The following BPIFB6 variants were observed in gnomAD, a reference collection of about 807,000 sequenced individuals.
BPIFB6 encodes the protein BPI fold-containing family B member 6.
In BPIFB6, 47 loss-of-function variants were observed where a neutral mutation model predicts 54.7. That is an observed-to-expected ratio of 0.86 (90% CI 0.68 to 1.10). BPIFB6 has a LOEUF of 1.10. Ranked by LOEUF, BPIFB6 falls within the 50% of genes least tolerant of loss-of-function variation. The pLI, the probability that BPIFB6 is intolerant of heterozygous loss-of-function variation, is 0.00. For missense variants in BPIFB6, 603 were observed against 564.1 expected (o/e 1.07, Z -0.70); for synonymous variants, 255 against 225.9 (o/e 1.13, Z -1.16).
intron 7 of BPIFB6, among the ~76,000 whole-genome samples, 195 bp from the exon 8 acceptor site, chr20:33,037,367 C>A (rs184748046): frequency 1.3e-5 from 2 of 152,278 alleles, no homozygotes; most frequent in Admixed American, 1.3e-4. Context: ...CTCCCTTATC[C>A]TCCCAGGCCT....
intron 1 of BPIFB6, 51 bp downstream of exon 1, chr20:33,031,795 A>C (rs1979113866): frequency 6.7e-7 from 1 of 1,501,390 alleles, no homozygotes; most frequent in Non-Finnish European, 9.3e-7. Flanking sequence ...TGCTTGGGGT[A>C]GGTGGTAGGT....
Position 33,031,703 on chromosome 20 carries a change from A to C in BPIFB6, c.56A>C (p.Asp19Ala). Residue 19 changes from aspartate to alanine, a missense_variant, in exon 1 of 15, where the codon GAC (aspartate) becomes GCC (alanine). Physicochemically the swap from Asp to Ala is moderately radical, Grantham distance 126. Transcript: ENST00000349552. Reference sequence around the variant, plus strand: ...AGCCTGCTGACTGGCACGCGAGCTGACCCTGGGGCACTGCTGCGGTTGGGC... The same window carrying C: ...AGCCTGCTGACTGGCACGCGAGCTGCCCCTGGGGCACTGCTGCGGTTGGGC... ...LCSLLTGTRADPGALLRLGMD... is the reference protein window; with the variant it reads ...LCSLLTGTRAAPGALLRLGMD... The C allele has an allele frequency of 6.2e-7, 1 of 1,613,948 alleles. No individual in the cohort carries two copies. The highest frequency in any genetic ancestry group is 8.5e-7 in the Non-Finnish European group (1 of 1,179,988).
rs143653334 is a variant in BPIFB6, at chr20:33,031,720, C to A, written c.73C>A (p.Arg25=). Residue 25 remains arginine, a synonymous_variant, in exon 1 of 15, where the codon CGG becomes AGG. Transcript: ENST00000349552. ...GTRADPGALL[R]LGMDIMNQVQ... is the part of the protein sequence containing the mutation. ...GCGAGCTGACCCTGGGGCACTGCTG[C>A]GGTTGGGCATGGACATCATGAACCG... is the stretch of plus-strand genomic sequence containing the variant. 6.2e-7 allele frequency: 1 copy of A among 1,614,056 alleles called. No individual in the cohort carries two copies. The highest frequency in any genetic ancestry group is 1.3e-5 in the African/African-American group (1 of 75,054).
intron 2 of BPIFB6, chr20:33,033,746 G>A (rs1979203661): frequency 9.1e-6 from 4 of 437,172 alleles, no homozygotes; most frequent in Admixed American, 2.4e-5. Context: ...GGGACTGGGG[G>A]AATGCTACTG....
At chr20:33,038,337 A>G (rs753754385) in intron 8 of BPIFB6, among the ~76,000 whole-genome samples, 2 of 151,836 alleles carry the variant, frequency 1.3e-5, no homozygotes, top group Non-Finnish European at 2.9e-5. Flanking sequence ...TTTACCATTC[A>G]TCCATGTACC....
rs1433559361 is a variant in BPIFB6 at position 33,034,845 on chromosome 20, C to T, written c.385C>T (p.Leu129Phe). ...GCTTCTGCGGGATGAGGAGACAGGCCTCCCCGTGTTCAAGAGTGAGGGCTG... is the reference window on the plus strand; with the variant it reads ...GCTTCTGCGGGATGAGGAGACAGGCTTCCCCGTGTTCAAGAGTGAGGGCTG... ...NRLLRDEETG[L>F]PVFKSEGCEV... The change falls in exon 4 of 15, where the codon CTC becomes TTC. Residue 129 changes from leucine to phenylalanine, a missense_variant. Transcript: ENST00000349552. 7 of 1,613,756 alleles carry T rather than the reference C, an allele frequency of 4.3e-6. No homozygotes were observed. Among genetic ancestry groups the T allele is most frequent in the African/African-American group, 1.3e-5 (1 of 74,912 alleles).
In BPIFB6 at chr20:33,034,172, C is replaced by G. The variant is rs1315349132; in HGVS notation, c.198-14C>G. 6.2e-7 allele frequency: 1 copy of G among 1,600,816 alleles called. No homozygotes were observed. The highest frequency in any genetic ancestry group is 1.3e-5 in the African/African-American group (1 of 74,634). Reference sequence around the variant, plus strand: ...GCTCAGATCTTATTGGTGTGGCTGCCTGTCCCTTCCCAGTTTGAAGGTGAA... The same window carrying G: ...GCTCAGATCTTATTGGTGTGGCTGCGTGTCCCTTCCCAGTTTGAAGGTGAA... On this transcript the variant is annotated splice_polypyrimidine_tract_variant and intron_variant, in intron 2 of 14. Coordinates refer to ENST00000349552, the MANE Select transcript of BPIFB6 (RefSeq NM_174897.2).
chr20:33,037,624 G>C lies in BPIFB6; in HGVS notation c.732G>C (p.Thr244=), dbSNP rs144547584. The C allele has an allele frequency of 6.2e-6, 10 of 1,613,890 alleles. No individual in the cohort carries two copies. The highest frequency in any genetic ancestry group is 1.6e-4 in the Middle Eastern group (1 of 6,084). The change falls in exon 8 of 15, where the codon ACG becomes ACC. Residue 244 remains threonine, a synonymous_variant. Coordinates refer to ENST00000349552, the MANE Select transcript of BPIFB6 (RefSeq NM_174897.2). ...TTGCTGATGCCGGGGAGGCCCTCAC[G>C]TTCCCTGAGGGTTATGCCAAAGGCT... ...IKLADAGEAL[T]FPEGYAKGSS...
Position 33,043,355 on chromosome 20 carries a change from G to A in BPIFB6, c.1317G>A (p.Leu439=). 6.2e-7 allele frequency: 1 copy of A among 1,614,150 alleles called. No homozygotes were observed. The change falls in exon 14 of 15, where the codon CTG becomes CTA. Residue 439 remains leucine, a synonymous_variant. Transcript: ENST00000349552. Reference sequence around the variant, plus strand: ...CCATGAATTACAACCTGGCTGAGCTGGACATAGTAGAGGTGAGAGGAGGGG... The same window carrying A: ...CCATGAATTACAACCTGGCTGAGCTAGACATAGTAGAGGTGAGAGGAGGGG... ...FLAMNYNLAE[L]DIVENALMLD... is the part of the protein sequence containing the mutation.
chr20:33,043,274 C>G lies in BPIFB6; in HGVS notation c.1253-17C>G, dbSNP rs1979668322. 3 of 1,612,644 alleles carry G rather than the reference C, an allele frequency of 1.9e-6. No individual in the cohort carries two copies. Among genetic ancestry groups the G allele is most frequent in the South Asian group, 1.1e-5 (1 of 91,004 alleles). On this transcript the variant is annotated splice_polypyrimidine_tract_variant and intron_variant, in intron 13 of 14. Coordinates refer to ENST00000349552, the MANE Select transcript of BPIFB6 (RefSeq NM_174897.2). ...GCACAGCAGTCAGGCTGATATGACTCTTACTGTATTTCTCAGATGTGCTTC... is the reference window on the plus strand; with the variant it reads ...GCACAGCAGTCAGGCTGATATGACTGTTACTGTATTTCTCAGATGTGCTTC...
chr20:33,036,349 G>C, intron 6 of BPIFB6, 96 bp from the exon 7 acceptor site: 1 of 1,024,942 alleles, frequency 9.8e-7, no homozygotes, highest in Non-Finnish European at 1.5e-6. Context: ...TGAGTCACGT[G>C]GAGGGCCAGG....
At chr20:33,042,357 G>T (rs1979628012) in intron 12 of BPIFB6, among the ~76,000 whole-genome samples, 1 of 152,180 alleles carries the variant, frequency 6.6e-6, no homozygotes, top group South Asian at 2.1e-4. Flanking sequence ...CCCAGGAGGT[G>T]CCAACACCAC....
intron 10 of BPIFB6, 32 bp from the exon 11 acceptor site, chr20:33,040,219 G>T (rs1325181402): frequency 8.1e-6 from 13 of 1,606,500 alleles, no homozygotes; most frequent in Non-Finnish European, 1.1e-5. Context: ...GGAACCCACT[G>T]CCTTCTCCCT....
At chr20:33,036,567 G>A (rs767356158) in intron 7 of BPIFB6, 31 bp downstream of exon 7, 1 of 1,570,730 alleles carries the variant, frequency 6.4e-7, no homozygotes, top group Non-Finnish European at 8.8e-7. Flanking sequence ...GGGAGCTGGG[G>A]TCTCAGGCTC....
chr20:33,037,668 C>T lies in BPIFB6; in HGVS notation c.776C>T (p.Pro259Leu). 6.2e-7 allele frequency: 1 copy of T among 1,614,150 alleles called. No individual in the cohort carries two copies. ...YAKGSSQLLL[P>L]ATFLSAELAL... ...AAAGGCTCGTCGCAGCTGCTGCTCC[C>T]AGCCACCTTCCTCTCTGCAGAGCTT... Residue 259 changes from proline (P) to leucine (L), a missense_variant, in exon 8 of 15, where the codon CCA becomes CTA. Pro to Leu is a moderately conservative substitution (Grantham distance 98). Transcript: ENST00000349552.
chr20:33,043,015 A>T (rs925924150), intron 13 of BPIFB6, 137 bp downstream of exon 13: 3 of 792,048 alleles, frequency 3.8e-6, no homozygotes, highest in Admixed American at 2.6e-5. Context: ...ATAATTGCTG[A>T]ATCTTTGAAG....
chr20:33,037,953 C>T (rs1979415768), intron 8 of BPIFB6, among the ~76,000 whole-genome samples: 2 of 152,178 alleles, frequency 1.3e-5, no homozygotes, highest in South Asian at 4.1e-4. Flanking sequence ...TCCATCAGTC[C>T]GTACAACCAA....
At chr20:33,036,929 C>T (rs1466692238) in intron 7 of BPIFB6, among the ~76,000 whole-genome samples, 1 of 152,176 alleles carries the variant, frequency 6.6e-6, no homozygotes, top group Non-Finnish European at 1.5e-5. Context: ...CATCCCTCAC[C>T]AGCTCCATTA....
At chr20:33,043,744 C>T (rs1446134551) in intron 14 of BPIFB6, among the ~76,000 whole-genome samples, 6 of 152,198 alleles carry the variant, frequency 3.9e-5, no homozygotes, top group Non-Finnish European at 5.9e-5. Flanking sequence ...TATTGCATGC[C>T]AACCTTTGAG....
Sources: gnomAD v4.1 joint callset for allele counts (sites outside exome capture counted in the v4.1 genomes callset) on GRCh38, gnomAD v4.1.1 for gene constraint, MANE v1.5 for transcripts, NCBI Gene and HGNC (gene_info 2026-07-23, HGNC 2026-07-21) for gene names.